PDE7B: variants seen among roughly 807,000 people sequenced by gnomAD.
PDE7B encodes the protein phosphodiesterase 7B, also known as 3',5'-cyclic-AMP phosphodiesterase 7B.
A neutral mutation model predicts 56.2 loss-of-function variants in PDE7B; 29 were observed. The observed-to-expected ratio is 0.52, with a 90% CI of 0.38 to 0.70. The LOEUF (loss-of-function observed/expected upper bound fraction) is 0.70, where lower values mean the gene tolerates loss of function less well. PDE7B is among the 30% of genes least tolerant of loss of function. The pLI is 0.00. For synonymous variants in PDE7B, 197 were observed against 196.9 expected, an observed-to-expected ratio of 1.00 and a Z score of 0.00; for missense variants, 490 against 565.0, an observed-to-expected ratio of 0.87 and a Z score of 1.35.
intron 3 of PDE7B, among the ~76,000 whole-genome samples, chr6:136,134,977 T>C (rs1437075977): frequency 6.6e-6 from 1 of 151,624 alleles, no homozygotes; most frequent in Non-Finnish European, 1.5e-5. Flanking sequence ...AAAATAAGCA[T>C]GTTAAAAAGG....
intron 1 of PDE7B, among the ~76,000 whole-genome samples, chr6:135,922,195 A>G (rs1774096099): frequency 6.6e-6 from 1 of 152,156 alleles, no homozygotes; most frequent in Non-Finnish European, 1.5e-5. Context: ...ATTTCCTCAC[A>G]TACAACTCTG....
At chr6:135,947,120 A>G (rs1404672557) in intron 1 of PDE7B, among the ~76,000 whole-genome samples, 1 of 152,068 alleles carries the variant, frequency 6.6e-6, no homozygotes, top group African/African-American at 2.4e-5. Flanking sequence ...ACCAATTTTG[A>G]GAATAATTAG....
intron 1 of PDE7B, among the ~76,000 whole-genome samples, chr6:135,939,448 C>A (rs754206241): frequency 3.3e-5 from 5 of 152,132 alleles, no homozygotes; most frequent in Non-Finnish European, 5.9e-5. Context: ...TAACAGCCTG[C>A]AATGGGATAG....
At chr6:135,995,104 A>G (rs565632089) in intron 2 of PDE7B, among the ~76,000 whole-genome samples, 30 of 152,264 alleles carry the variant, frequency 2.0e-4, no homozygotes, top group African/African-American at 7.0e-4. Context: ...AAGTCCCTTC[A>G]TGCTGCCCTG....
intron 2 of PDE7B, among the ~76,000 whole-genome samples, chr6:136,038,779 G>A (rs1776369814): frequency 6.6e-6 from 1 of 152,178 alleles, no homozygotes. Flanking sequence ...TGCCCTTTGG[G>A]CTTGCACAAG....
intron 2 of PDE7B, among the ~76,000 whole-genome samples, chr6:136,097,548 T>C (rs148129904): frequency 1.4e-4 from 21 of 152,324 alleles, no homozygotes; most frequent in Admixed American, 5.9e-4. Context: ...TACCTAGTCA[T>C]TCTTTACCCT....
chr6:136,164,513 G>C (rs1485556735), intron 8 of PDE7B, among the ~76,000 whole-genome samples: 2 of 152,140 alleles, frequency 1.3e-5, no homozygotes, highest in East Asian at 3.9e-4. Flanking sequence ...CTCATAAACA[G>C]ACACACGGCC....
intron 2 of PDE7B, among the ~76,000 whole-genome samples, chr6:135,951,015 G>A (rs958609784): frequency 6.6e-6 from 1 of 152,186 alleles, no homozygotes; most frequent in Non-Finnish European, 1.5e-5. Flanking sequence ...AATAGCTCAT[G>A]TTGGATATGA....
intron 1 of PDE7B, among the ~76,000 whole-genome samples, chr6:135,913,105 A>G (rs1272644330): frequency 1.3e-5 from 2 of 152,224 alleles, no homozygotes; most frequent in African/African-American, 4.8e-5. Context: ...TGTACCACGA[A>G]CTTTGTAATA....
At chr6:136,071,648 C>A (rs573296898) in intron 2 of PDE7B, among the ~76,000 whole-genome samples, 8 of 152,260 alleles carry the variant, frequency 5.3e-5, no homozygotes, top group African/African-American at 1.9e-4. Flanking sequence ...ATCACTCTAG[C>A]CAAGTGTAGT....
At chr6:136,147,572 GGT>G (rs1778438250) in intron 4 of PDE7B, 70 bp downstream of exon 4, 1 of 1,319,668 alleles carries the variant, frequency 7.6e-7, no homozygotes, top group Admixed American at 1.8e-5. Context: ...TGATAGCACT[GGT>G]GTTGGAGTCC....
chr6:136,038,015 T>G, intron 2 of PDE7B: 1 of 1,304,296 alleles, frequency 7.7e-7, no homozygotes, highest in African/African-American at 1.5e-5. Context: ...AGTAACAGTT[T>G]CTCACCAGAG....
chr6:135,900,251 A>C (rs1164386781), intron 1 of PDE7B, among the ~76,000 whole-genome samples: 1 of 152,022 alleles, frequency 6.6e-6, no homozygotes, highest in African/African-American at 2.4e-5. Flanking sequence ...TTTTTAGTGC[A>C]AAAAATATTT....
At chr6:135,904,691 A>C (rs1489050971) in intron 1 of PDE7B, among the ~76,000 whole-genome samples, 3 of 152,112 alleles carry the variant, frequency 2.0e-5, no homozygotes, top group Admixed American at 2.0e-4. Flanking sequence ...ACTTTTAGTC[A>C]TAGCATCGAC....
intron 1 of PDE7B, among the ~76,000 whole-genome samples, chr6:135,925,038 A>G (rs894534654): frequency 2.1e-5 from 3 of 145,368 alleles, no homozygotes; most frequent in Non-Finnish European, 3.0e-5. Context: ...CTTGTTTCAT[A>G]TGAATAAGTA....
At chr6:135,880,238 T>C (rs1333593156) in intron 1 of PDE7B, among the ~76,000 whole-genome samples, 2 of 152,294 alleles carry the variant, frequency 1.3e-5, no homozygotes, top group East Asian at 3.9e-4. Context: ...GAGAAAGCAG[T>C]GGACTACAGA....
At chr6:136,006,905 T>C (rs998724360) in intron 2 of PDE7B, among the ~76,000 whole-genome samples, 1 of 152,174 alleles carries the variant, frequency 6.6e-6, no homozygotes. Flanking sequence ...CTTATTTCTT[T>C]CTCTTGCCTG....
chr6:136,148,452 G>GAAGA (rs1778454740), intron 4 of PDE7B, among the ~76,000 whole-genome samples: 1 of 146,876 alleles, frequency 6.8e-6, no homozygotes, highest in African/African-American at 2.6e-5. Context: ...AGGGTGGGAG[G>GAAGA]GAGGGAGGGA....
intron 8 of PDE7B, chr6:136,162,475 A>T (rs917416783): frequency 2.0e-5 from 3 of 152,102 alleles, no homozygotes; most frequent in African/African-American, 7.2e-5. Context: ...CCCTCCCATC[A>T]CATGTAGGGC....
Sources: gnomAD v4.1 joint callset for allele counts (sites outside exome capture counted in the v4.1 genomes callset) on GRCh38, gnomAD v4.1.1 for gene constraint, MANE v1.5 for transcripts, NCBI Gene and HGNC (gene_info 2026-07-23, HGNC 2026-07-21) for gene names.